PDK1: variants seen among roughly 807,000 people sequenced by gnomAD.
PDK1 encodes pyruvate dehydrogenase kinase 1.
PDK1 carries 39 observed loss-of-function variants against 54.2 expected under a neutral mutation model. The ratio of observed to expected loss-of-function variants is 0.72; its 90% CI spans 0.56 to 0.94. The LOEUF (loss-of-function observed/expected upper bound fraction) is 0.94, where lower values mean the gene tolerates loss of function less well. PDK1 is among the 40% of genes least tolerant of loss of function. PDK1 has a pLI of 0.00. For missense variants in PDK1, 552 were observed against 566.0 expected (o/e 0.98, Z 0.25); for synonymous variants, 221 against 207.1 (o/e 1.07, Z -0.58).
the PDK1 span, among the ~76,000 whole-genome samples, chr2:172,620,125 C>T: frequency 6.6e-6 from 1 of 152,184 alleles, no homozygotes; most frequent in Admixed American, 6.5e-5. Context: ...AAGATCACAT[C>T]ACTGTACTCC....
rs1408262692 is a variant in PDK1, at chr2:172,596,445, A to G, written c.*476A>G. 6.5e-6 allele frequency: 1 copy of G among 153,320 alleles called. No homozygotes were observed. The allele number at this position is 153,320 out of a possible 1,614,324, so 9.5% of individuals were successfully genotyped here. On this transcript the variant is annotated 3_prime_UTR_variant, in exon 11 of 11. Coordinates refer to ENST00000282077, the MANE Select transcript of PDK1 (RefSeq NM_002610.5). ...CATGTTTATCAGTGACTTGACTACA[A>G]GTAAAGCAGAAAACAGTTGGCCTGT...
Position 172,608,213 on chromosome 2 carries a change from G to A in PDK1, c.*12244G>A, listed in dbSNP as rs1691358067. On this transcript the variant is annotated 3_prime_UTR_variant, in exon 11 of 11. Coordinates refer to ENST00000282077, the MANE Select transcript of PDK1 (RefSeq NM_002610.5). ...ATGATAATGATATTGCTGTACTAAAGTCTATTTAGGAAATGGAAATATATA... is the reference window on the plus strand; with the variant it reads ...ATGATAATGATATTGCTGTACTAAAATCTATTTAGGAAATGGAAATATATA... The A allele has an allele frequency of 1.3e-5, 2 of 152,378 alleles. No individual in the cohort carries two copies. Among genetic ancestry groups the A allele is most frequent in the South Asian group, 2.1e-4 (1 of 4,818 alleles). The allele number at this position is 152,378 out of a possible 1,614,324, so 9.4% of individuals were successfully genotyped here.
chr2:172,699,460 A>G, the PDK1 span, among the ~76,000 whole-genome samples: 1 of 147,778 alleles, frequency 6.8e-6, no homozygotes, highest in Non-Finnish European at 1.5e-5. Context: ...CCTGATTTTG[A>G]GTACAGACCT....
chr2:172,634,258 A>ATT, the PDK1 span, among the ~76,000 whole-genome samples: 24 of 139,468 alleles, frequency 1.7e-4, no homozygotes, highest in African/African-American at 3.9e-4. Context: ...GATGAAATCT[A>ATT]TTTATATTAT....
In PDK1 at chr2:172,594,381, A is replaced by G. The variant is rs191080904; in HGVS notation, c.1170+1333A>G. 3.1e-3 allele frequency among the ~76,000 whole-genome samples: 470 copies of G among 152,248 alleles called. 2 individuals are homozygous for G. The highest frequency in any genetic ancestry group is 0.011 in the African/African-American group (456 of 41,542). On this transcript the variant is annotated intron_variant, in intron 10 of 10. Coordinates refer to ENST00000282077, the MANE Select transcript of PDK1 (RefSeq NM_002610.5). ...TTTTGATCTAGCCCAGGAGTGTCCA[A>G]TCTTATGGCTTCCCTGGGCCACAGT... is the stretch of plus-strand genomic sequence containing the variant.
the PDK1 span, among the ~76,000 whole-genome samples, chr2:172,719,406 G>A: frequency 1.3e-5 from 2 of 152,128 alleles, no homozygotes; most frequent in Non-Finnish European, 2.9e-5. Context: ...TGAAGTGGCT[G>A]TATTATTTCA....
the PDK1 span, among the ~76,000 whole-genome samples, chr2:172,652,454 G>A: frequency 6.6e-6 from 1 of 151,144 alleles, no homozygotes; most frequent in Non-Finnish European, 1.5e-5. Context: ...ACATAGTGTT[G>A]GAAGTTCTGG....
intron 8 of PDK1, among the ~76,000 whole-genome samples, chr2:172,574,187 A>C (rs1200647747): frequency 6.6e-6 from 1 of 152,180 alleles, no homozygotes; most frequent in African/African-American, 2.4e-5. Flanking sequence ...TGAAAAACCT[A>C]TTCTTTCCCC....
chr2:172,644,467 T>C, the PDK1 span, among the ~76,000 whole-genome samples: 1 of 152,166 alleles, frequency 6.6e-6, no homozygotes, highest in Non-Finnish European at 1.5e-5. Flanking sequence ...AGTGCCTACT[T>C]TACAGGGTGG....
chr2:172,583,510 T>C (rs1690038291), intron 8 of PDK1, among the ~76,000 whole-genome samples: 1 of 151,892 alleles, frequency 6.6e-6, no homozygotes, highest in Non-Finnish European at 1.5e-5. Flanking sequence ...GCCAGGCTGG[T>C]CTCGAACTGC....
At chr2:172,685,894 G>A in the PDK1 span, among the ~76,000 whole-genome samples, 28,932 of 152,164 alleles carry the variant, frequency 0.19, 3,358 homozygotes, top group African/African-American at 0.32. Context: ...TCCAATGCCT[G>A]TGAAATCCAG....
the PDK1 span, among the ~76,000 whole-genome samples, chr2:172,714,818 T>C: frequency 6.6e-6 from 1 of 152,162 alleles, no homozygotes; most frequent in Non-Finnish European, 1.5e-5. Context: ...AGAAGTTGTA[T>C]TAATGACTAT....
the PDK1 span, among the ~76,000 whole-genome samples, chr2:172,686,201 A>T: frequency 6.6e-6 from 1 of 152,250 alleles, no homozygotes; most frequent in Non-Finnish European, 1.5e-5. Flanking sequence ...CTAGAAACAC[A>T]GCCCAGCACC....
chr2:172,645,683 G>A, the PDK1 span, among the ~76,000 whole-genome samples: 1 of 152,220 alleles, frequency 6.6e-6, no homozygotes, highest in South Asian at 2.1e-4. Context: ...CTTAGACTGT[G>A]TCTAGAGGAC....
chr2:172,661,371 A>T, the PDK1 span, among the ~76,000 whole-genome samples: 3 of 152,252 alleles, frequency 2.0e-5, 1 homozygote, highest in African/African-American at 4.8e-5. Flanking sequence ...CTCAAAAACC[A>T]TCAATTCTTA....
At chr2:172,649,442 T>A in the PDK1 span, among the ~76,000 whole-genome samples, 1 of 152,114 alleles carries the variant, frequency 6.6e-6, no homozygotes, top group Non-Finnish European at 1.5e-5. Context: ...CAAAAGAACA[T>A]AGCTTCTCAC....
chr2:172,563,977 C>T, intron 3 of PDK1: 1 of 470,602 alleles, frequency 2.1e-6, no homozygotes. Context: ...ATTTTATAAA[C>T]TCATAGGATG....
chr2:172,696,176 A>AG, the PDK1 span, among the ~76,000 whole-genome samples: 1 of 150,702 alleles, frequency 6.6e-6, no homozygotes, highest in Admixed American at 6.6e-5. Context: ...CTGTCTCAAA[A>AG]AAAAAAAAAA....
At chr2:172,686,935 T>TA in the PDK1 span, among the ~76,000 whole-genome samples, 1 of 152,232 alleles carries the variant, frequency 6.6e-6, no homozygotes, top group Non-Finnish European at 1.5e-5. Flanking sequence ...CTGTCTTTGA[T>TA]ATCATCTTTA....
Sources: gnomAD v4.1 joint callset for allele counts (sites outside exome capture counted in the v4.1 genomes callset) on GRCh38, gnomAD v4.1.1 for gene constraint, MANE v1.5 for transcripts, NCBI Gene and HGNC (gene_info 2026-07-23, HGNC 2026-07-21) for gene names.